Variants in DPP6 observed in about 807,000 individuals in gnomAD.
The protein encoded by DPP6 is dipeptidyl peptidase like 6.
DPP6 carries 69 observed loss-of-function variants against 122.6 expected under a neutral mutation model. The observed-to-expected ratio is 0.56, with a 90% CI of 0.46 to 0.69. The LOEUF (loss-of-function observed/expected upper bound fraction) is 0.69, where lower values mean the gene tolerates loss of function less well. Ranked by LOEUF, DPP6 falls within the 30% of genes least tolerant of loss-of-function variation. The probability of loss-of-function intolerance (pLI) is 0.00; values close to 1 mark genes in which losing one functional copy is unlikely to be tolerated. For missense variants in DPP6, 928 were observed against 1,116.9 expected (o/e 0.83, Z 2.41); for synonymous variants, 418 against 433.1 (o/e 0.97, Z 0.43).
At chr7:154,561,113 T>C (rs13438529) in intron 4 of DPP6, among the ~76,000 whole-genome samples, 40,231 of 152,122 alleles carry the variant, frequency 0.26, 5,672 homozygotes, top group Admixed American at 0.36. Flanking sequence ...AAGCAATAAT[T>C]GGTTGAACCA....
Position 154,593,977 on chromosome 7 carries a change from G to A in DPP6, c.627+27061G>A, listed in dbSNP as rs555535869. On this transcript the variant is annotated intron_variant, in intron 5 of 25. Coordinates refer to ENST00000377770, the MANE Select transcript of DPP6 (RefSeq NM_130797.4). ...TGTGAGTAATCTGTGCTCTGAGAAC[G>A]GCCTACATATAGGCAGAAGAACCAT... is the stretch of plus-strand genomic sequence containing the variant. Among the ~76,000 whole-genome samples the A allele has an allele frequency of 7.2e-5, 11 of 152,220 alleles. No homozygotes were observed. In the South Asian group the frequency reaches 1.5e-3, roughly 20 times the overall value.
chr7:154,873,898 CCACACACATAGGCA>C (rs1804611607), intron 19 of DPP6, among the ~76,000 whole-genome samples: 1 of 145,838 alleles, frequency 6.9e-6, no homozygotes, highest in Non-Finnish European at 1.5e-5. Flanking sequence ...ACACACGCAC[CCACACACATAGGCA>C]CACACACATG....
chr7:154,751,778 C>T (rs922572774), intron 8 of DPP6, among the ~76,000 whole-genome samples: 4 of 152,094 alleles, frequency 2.6e-5, no homozygotes, highest in African/African-American at 9.7e-5. Flanking sequence ...ACGGATAGGA[C>T]TTCCACAGCA....
chr7:154,408,686 C>G (rs1816328907), intron 1 of DPP6, among the ~76,000 whole-genome samples: 1 of 152,022 alleles, frequency 6.6e-6, no homozygotes. Flanking sequence ...GTTCCAGACC[C>G]TAATGCTGAG....
At chr7:153,950,305 T>C (rs1802149933) in intron 1 of DPP6, among the ~76,000 whole-genome samples, 1 of 151,834 alleles carries the variant, frequency 6.6e-6, no homozygotes, top group South Asian at 2.1e-4. Flanking sequence ...TGTAGAAAAA[T>C]AACAAGGCCC....
At chr7:154,546,112 A>T (rs572714695) in intron 4 of DPP6, among the ~76,000 whole-genome samples, 30 of 152,304 alleles carry the variant, frequency 2.0e-4, no homozygotes, top group African/African-American at 5.5e-4. Context: ...ATAACTTTTT[A>T]AAAAAAGATA....
chr7:154,490,413 G>C (rs935991820), intron 3 of DPP6, among the ~76,000 whole-genome samples: 3 of 152,192 alleles, frequency 2.0e-5, no homozygotes, highest in Non-Finnish European at 4.4e-5. Flanking sequence ...TGCAAGCCAG[G>C]CATCCTGAAG....
intron 1 of DPP6, among the ~76,000 whole-genome samples, chr7:154,411,955 T>C (rs374983510): frequency 6.6e-6 from 1 of 152,196 alleles, no homozygotes; most frequent in East Asian, 1.9e-4. Flanking sequence ...AAGCAGGGTG[T>C]GGCTTAGAAA....
intron 8 of DPP6, 67 bp from the exon 9 acceptor site, chr7:154,769,350 T>C: frequency 6.2e-7 from 1 of 1,600,160 alleles, no homozygotes; most frequent in Non-Finnish European, 8.5e-7. Context: ...CTCATGTTCC[T>C]GCTGGTGCAG....
chr7:153,829,191 T>C, the DPP6 span, among the ~76,000 whole-genome samples: 6 of 152,258 alleles, frequency 3.9e-5, no homozygotes, highest in South Asian at 2.1e-4. Flanking sequence ...GTTTTGGCTT[T>C]CGAGGTCTGT....
chr7:154,855,431 T>C (rs1437249244), intron 17 of DPP6, among the ~76,000 whole-genome samples: 1 of 152,160 alleles, frequency 6.6e-6, no homozygotes, highest in Non-Finnish European at 1.5e-5. Context: ...CTTCCTGTGC[T>C]CCTCCCCAGA....
intron 7 of DPP6, among the ~76,000 whole-genome samples, chr7:154,717,677 G>T (rs1841568077): frequency 6.6e-6 from 1 of 152,120 alleles, no homozygotes; most frequent in South Asian, 2.1e-4. Flanking sequence ...TCCATGTCTT[G>T]CCTGTTGTGA....
chr7:154,730,768 A>G (rs985035963), intron 8 of DPP6, among the ~76,000 whole-genome samples: 1 of 152,216 alleles, frequency 6.6e-6, no homozygotes, highest in Admixed American at 6.5e-5. Context: ...TTTTGGCTGC[A>G]AGAGCCTAGG....
intron 23 of DPP6, among the ~76,000 whole-genome samples, chr7:154,888,432 C>G (rs530390443): frequency 2.0e-5 from 3 of 152,154 alleles, no homozygotes; most frequent in Admixed American, 6.5e-5. Flanking sequence ...CTCTCTGATG[C>G]GACCTCCTGA....
rs575061890 is a variant in DPP6, at chr7:154,419,946, G to A, written c.244-26268G>A. On this transcript the variant is annotated intron_variant, in intron 1 of 25. Transcript: ENST00000377770. ...GCCGAGGTGTGGAAACAATGTAAAC[G>A]TCCATTGAAATGTGGAAACAATGTA... 5.3e-5 allele frequency among the ~76,000 whole-genome samples: 8 copies of A among 152,270 alleles called. No homozygotes were observed. In the East Asian group the frequency reaches 5.8e-4, roughly 11 times the overall value.
intron 1 of DPP6, among the ~76,000 whole-genome samples, chr7:154,060,482 C>G (rs539687279): frequency 7.4e-6 from 1 of 135,992 alleles, no homozygotes; most frequent in Admixed American, 7.2e-5. Flanking sequence ...GGACCTCCAT[C>G]GTTGATCCTA....
intron 1 of DPP6, among the ~76,000 whole-genome samples, chr7:154,226,986 A>C (rs986479173): frequency 3.3e-5 from 5 of 152,202 alleles, no homozygotes; most frequent in Non-Finnish European, 7.3e-5. Flanking sequence ...TGGCAATGTA[A>C]AATGGTGCAG....
intron 6 of DPP6, among the ~76,000 whole-genome samples, chr7:154,666,544 T>C (rs1340902791): frequency 6.6e-6 from 1 of 152,156 alleles, no homozygotes; most frequent in Admixed American, 6.6e-5. Context: ...TTTTGAAACA[T>C]GCATTACATT....
the DPP6 span, among the ~76,000 whole-genome samples, chr7:153,850,935 G>A: frequency 4.0e-3 from 615 of 152,278 alleles, 3 homozygotes; most frequent in African/African-American, 0.014. Flanking sequence ...GTCCCAGGAG[G>A]TAAGAATCCT....
Sources: gnomAD v4.1 joint callset for allele counts (sites outside exome capture counted in the v4.1 genomes callset) on GRCh38, gnomAD v4.1.1 for gene constraint, MANE v1.5 for transcripts, NCBI Gene and HGNC (gene_info 2026-07-23, HGNC 2026-07-21) for gene names.